CSNK2A2IP: variants seen among roughly 807,000 people sequenced by gnomAD.
CSNK2A2IP encodes casein kinase II subunit alpha'-interacting protein.
At chr3:88,466,823 A>G in the CSNK2A2IP span, 2 of 927,422 alleles carry the variant, frequency 2.2e-6, no homozygotes, top group Non-Finnish European at 2.8e-6. Context: ...CCATGTAACC[A>G]TCTTAGAGGA....
the CSNK2A2IP span, among the ~76,000 whole-genome samples, chr3:88,427,463 G>T: frequency 6.6e-6 from 1 of 152,194 alleles, no homozygotes; most frequent in African/African-American, 2.4e-5. Flanking sequence ...TCAGGACAAG[G>T]GGGAAAATGT....
At chr3:88,421,091 T>C in the CSNK2A2IP span, among the ~76,000 whole-genome samples, 1 of 152,150 alleles carries the variant, frequency 6.6e-6, no homozygotes, top group Admixed American at 6.5e-5. Flanking sequence ...ATGTCTTAGC[T>C]TCTTGTTTTC....
the CSNK2A2IP span, among the ~76,000 whole-genome samples, chr3:88,375,221 C>A: frequency 6.6e-6 from 1 of 151,690 alleles, no homozygotes; most frequent in Non-Finnish European, 1.5e-5. Context: ...CTGAGAAAAT[C>A]TGTTCAATAA....
the CSNK2A2IP span, among the ~76,000 whole-genome samples, chr3:88,448,233 A>G: frequency 6.6e-6 from 1 of 152,196 alleles, no homozygotes; most frequent in African/African-American, 2.4e-5. Flanking sequence ...TGGATCCTAC[A>G]CCTTGACAAA....
chr3:88,352,567 A>T, the CSNK2A2IP span, among the ~76,000 whole-genome samples: 1 of 152,004 alleles, frequency 6.6e-6, no homozygotes, highest in African/African-American at 2.4e-5. Flanking sequence ...AAATAATTTT[A>T]TAGATTAATT....
chr3:88,448,929 A>C, the CSNK2A2IP span, among the ~76,000 whole-genome samples: 1 of 152,166 alleles, frequency 6.6e-6, no homozygotes, highest in African/African-American at 2.4e-5. Flanking sequence ...ATGTTTTTGC[A>C]ATAGTGGTCT....
chr3:88,467,039 C>A, the CSNK2A2IP span: 1 of 1,090,440 alleles, frequency 9.2e-7, no homozygotes, highest in Non-Finnish European at 1.2e-6. Context: ...CAGTTTTTCC[C>A]CACATCTGAA....
chr3:88,446,478 CTT>C, the CSNK2A2IP span, among the ~76,000 whole-genome samples: 1 of 152,182 alleles, frequency 6.6e-6, no homozygotes, highest in Non-Finnish European at 1.5e-5. Context: ...GGAGAACATT[CTT>C]TGTTTCCAAC....
chr3:88,372,860 T>C, the CSNK2A2IP span, among the ~76,000 whole-genome samples: 23 of 151,462 alleles, frequency 1.5e-4, no homozygotes, highest in African/African-American at 5.6e-4. Context: ...ATTAAATAGA[T>C]TTAACACAAG....
the CSNK2A2IP span, among the ~76,000 whole-genome samples, chr3:88,361,040 T>G: frequency 1.3e-5 from 2 of 152,206 alleles, no homozygotes; most frequent in African/African-American, 4.8e-5. Context: ...TTGTCCTTAT[T>G]TATCTTTTTA....
the CSNK2A2IP span, among the ~76,000 whole-genome samples, chr3:88,374,424 C>T: frequency 6.6e-6 from 1 of 151,504 alleles, no homozygotes; most frequent in Non-Finnish European, 1.5e-5. Flanking sequence ...GAGTCATCAA[C>T]ATACAAACAA....
At chr3:88,457,146 G>A in the CSNK2A2IP span, among the ~76,000 whole-genome samples, 1 of 152,042 alleles carries the variant, frequency 6.6e-6, no homozygotes, top group African/African-American at 2.4e-5. Flanking sequence ...TTTGCATTTA[G>A]TCATTAGGTT....
At chr3:88,351,754 C>T in the CSNK2A2IP span, among the ~76,000 whole-genome samples, 1 of 152,072 alleles carries the variant, frequency 6.6e-6, no homozygotes, top group African/African-American at 2.4e-5. Flanking sequence ...TATTTAGCTA[C>T]AAAGATGTAT....
the CSNK2A2IP span, among the ~76,000 whole-genome samples, chr3:88,355,281 T>C: frequency 6.6e-6 from 1 of 152,092 alleles, no homozygotes; most frequent in Non-Finnish European, 1.5e-5. Context: ...TAGAGGATAA[T>C]TGGGTACACA....
chr3:88,459,860 G>GT, the CSNK2A2IP span, among the ~76,000 whole-genome samples: 9 of 151,446 alleles, frequency 5.9e-5, no homozygotes, highest in African/African-American at 1.2e-4. Context: ...TAACATCATT[G>GT]TTTTTTTTAA....
At chr3:88,410,409 T>C in the CSNK2A2IP span, among the ~76,000 whole-genome samples, 12 of 152,052 alleles carry the variant, frequency 7.9e-5, no homozygotes, top group Admixed American at 7.9e-4. Context: ...TATAAAGATC[T>C]CTGAAACTTC....
At chr3:88,452,505 C>T in the CSNK2A2IP span, among the ~76,000 whole-genome samples, 1 of 152,122 alleles carries the variant, frequency 6.6e-6, no homozygotes, top group African/African-American at 2.4e-5. Flanking sequence ...CTTTTGAATA[C>T]AGCTGCAAGG....
chr3:88,372,537 G>GT, the CSNK2A2IP span, among the ~76,000 whole-genome samples: 1 of 151,372 alleles, frequency 6.6e-6, no homozygotes, highest in African/African-American at 2.4e-5. Context: ...CAAAAAATTT[G>GT]TTTAACCCAA....
the CSNK2A2IP span, among the ~76,000 whole-genome samples, chr3:88,443,165 C>G: frequency 1.3e-5 from 2 of 152,094 alleles, no homozygotes; most frequent in African/African-American, 4.8e-5. Flanking sequence ...ACATTCAGTA[C>G]TCAGTCTAGT....
Sources: gnomAD v4.1 joint callset for allele counts (sites outside exome capture counted in the v4.1 genomes callset) on GRCh38, gnomAD v4.1.1 for gene constraint, MANE v1.5 for transcripts, NCBI Gene and HGNC (gene_info 2026-07-23, HGNC 2026-07-21) for gene names.